The following RNGTT variants were observed in gnomAD, a reference collection of about 807,000 sequenced individuals.
The protein encoded by RNGTT is RNA guanylyltransferase and 5'-phosphatase, also known as mRNA-capping enzyme.
In RNGTT, 33 loss-of-function variants were observed where a neutral mutation model predicts 79.3. The observed-to-expected ratio is 0.42, with a 90% confidence interval of 0.32 to 0.56. The LOEUF (loss-of-function observed/expected upper bound fraction) is 0.56. Ranked by LOEUF, RNGTT falls within the 20% of genes least tolerant of loss-of-function variation. The pLI is 0.17. For missense variants in RNGTT, 497 were observed against 739.1 expected, an observed-to-expected ratio of 0.67 and a Z score of 3.80; for synonymous variants, 222 against 235.9, an observed-to-expected ratio of 0.94 and a Z score of 0.54.
intron 13 of RNGTT, among the ~76,000 whole-genome samples, chr6:88,714,795 C>T (rs905695062): frequency 3.9e-5 from 6 of 152,106 alleles, no homozygotes; most frequent in Non-Finnish European, 8.8e-5. Flanking sequence ...ACTCCAATTG[C>T]ATTTGTGAAA....
intron 14 of RNGTT, among the ~76,000 whole-genome samples, chr6:88,618,289 C>T (rs979911661): frequency 6.6e-6 from 1 of 152,160 alleles, no homozygotes; most frequent in Admixed American, 6.5e-5. Flanking sequence ...AGATGCACTA[C>T]AAGTTACTCA....
At chr6:88,648,532 T>C (rs1773667769) in intron 14 of RNGTT, among the ~76,000 whole-genome samples, 1 of 152,046 alleles carries the variant, frequency 6.6e-6, no homozygotes, top group African/African-American at 2.4e-5. Flanking sequence ...TCACATCCTA[T>C]TATCTCCCTA....
intron 13 of RNGTT, among the ~76,000 whole-genome samples, chr6:88,746,212 C>T (rs1200917324): frequency 6.6e-6 from 1 of 152,190 alleles, no homozygotes. Context: ...GATTTTCCAA[C>T]ATTTTCCAGC....
intron 13 of RNGTT, among the ~76,000 whole-genome samples, chr6:88,767,516 T>C (rs1353900180): frequency 1.3e-5 from 2 of 151,972 alleles, no homozygotes; most frequent in African/African-American, 4.8e-5. Flanking sequence ...CAAAAGTAAG[T>C]TGTTTTTAAA....
chr6:88,918,267 G>A (rs1397016211), intron 4 of RNGTT, among the ~76,000 whole-genome samples: 4 of 152,180 alleles, frequency 2.6e-5, no homozygotes, highest in Non-Finnish European at 5.9e-5. Context: ...AGGATGCAGT[G>A]AGCTATGATT....
chr6:88,765,825 C>G (rs778611074), intron 13 of RNGTT, among the ~76,000 whole-genome samples: 3 of 152,096 alleles, frequency 2.0e-5, no homozygotes, highest in Non-Finnish European at 2.9e-5. Flanking sequence ...TGAAAAGTTA[C>G]TGACTTTGCT....
At position 88,853,643 on chromosome 6, in the gene RNGTT, T is replaced by A; in HGVS notation, c.1018A>T (p.Thr340Ser). Residue 340 changes from threonine to serine, a missense_variant, in exon 9 of 16, where the codon ACT becomes TCT. Physicochemically the swap from Thr to Ser is moderately conservative, Grantham distance 58. Coordinates refer to ENST00000369485, the MANE Select transcript of RNGTT (RefSeq NM_003800.5). ...RKDLRMHLSN[T>S]LLDGEMIIDR... ...ATATGACTTACGCCATCCAAGAGAG[T>A]ATTTGATAAATGCATACGAAGATCT... The A allele has an allele frequency of 6.3e-7, 1 of 1,584,632 alleles. No individual in the cohort carries two copies. Among genetic ancestry groups the A allele is most frequent in the Non-Finnish European group, 8.6e-7 (1 of 1,161,966 alleles).
At chr6:88,941,550 G>A (rs1394078102) in intron 1 of RNGTT, among the ~76,000 whole-genome samples, 2 of 151,934 alleles carry the variant, frequency 1.3e-5, no homozygotes, top group Non-Finnish European at 2.9e-5. Context: ...TTACAGGCGT[G>A]AGCCACCGCA....
intron 13 of RNGTT, among the ~76,000 whole-genome samples, chr6:88,682,419 A>C (rs764345211): frequency 3.9e-4 from 59 of 152,316 alleles, no homozygotes; most frequent in African/African-American, 7.7e-4. Context: ...TAGAAAACAA[A>C]CAACCAAACA....
intron 11 of RNGTT, among the ~76,000 whole-genome samples, chr6:88,839,801 A>G (rs1054049267): frequency 6.6e-6 from 1 of 152,164 alleles, no homozygotes; most frequent in Non-Finnish European, 1.5e-5. Context: ...TTGGCCTTCA[A>G]ACTGGAAATG....
chr6:88,694,721 C>T (rs1419171978), intron 13 of RNGTT, among the ~76,000 whole-genome samples: 1 of 152,112 alleles, frequency 6.6e-6, no homozygotes, highest in African/African-American at 2.4e-5. Flanking sequence ...GTAATTAAAA[C>T]AGCATGGTAC....
At chr6:88,716,099 T>A (rs1395685026) in intron 13 of RNGTT, among the ~76,000 whole-genome samples, 1 of 151,426 alleles carries the variant, frequency 6.6e-6, no homozygotes, top group Non-Finnish European at 1.5e-5. Flanking sequence ...GAATCTACAA[T>A]GAACTCAAAC....
intron 6 of RNGTT, among the ~76,000 whole-genome samples, chr6:88,892,725 C>T (rs1351159253): frequency 6.6e-6 from 1 of 151,948 alleles, no homozygotes; most frequent in East Asian, 1.9e-4. Flanking sequence ...TAAGAAAAAT[C>T]TATAAAACAA....
chr6:88,719,896 G>T (rs1776650252), intron 13 of RNGTT, among the ~76,000 whole-genome samples: 1 of 152,100 alleles, frequency 6.6e-6, no homozygotes, highest in Non-Finnish European at 1.5e-5. Flanking sequence ...GAAACAAAAA[G>T]CCATTCGTGT....
chr6:88,755,139 C>T (rs1043096122), intron 13 of RNGTT, among the ~76,000 whole-genome samples: 20 of 152,048 alleles, frequency 1.3e-4, no homozygotes, highest in Non-Finnish European at 2.6e-4. Flanking sequence ...ATTCTATATC[C>T]AGGTAAGACA....
intron 1 of RNGTT, among the ~76,000 whole-genome samples, chr6:88,946,210 CTTT>C (rs1305658263): frequency 6.6e-6 from 1 of 152,096 alleles, no homozygotes; most frequent in Non-Finnish European, 1.5e-5. Context: ...ATAGTTCAAG[CTTT>C]TTTATTATTA....
intron 1 of RNGTT, among the ~76,000 whole-genome samples, chr6:88,955,630 A>G (rs1293275303): frequency 6.6e-6 from 1 of 152,028 alleles, no homozygotes; most frequent in Admixed American, 6.6e-5. Flanking sequence ...AAGGAACTAG[A>G]GAAACAAGAA....
chr6:88,900,855 T>A (rs1488345201), intron 6 of RNGTT, among the ~76,000 whole-genome samples: 5 of 146,202 alleles, frequency 3.4e-5, no homozygotes, highest in Admixed American at 6.8e-5. Flanking sequence ...AAAAAAAAAA[T>A]TTTAGGCCAG....
At chr6:88,640,614 A>C (rs1773278170) in intron 14 of RNGTT, among the ~76,000 whole-genome samples, 1 of 151,946 alleles carries the variant, frequency 6.6e-6, no homozygotes, top group Non-Finnish European at 1.5e-5. Context: ...GGTGATGTTG[A>C]AATTGTCAAT....
Sources: allele counts gnomAD v4.1 joint callset (sites outside exome capture counted in the v4.1 genomes callset), GRCh38; gene constraint gnomAD v4.1.1; transcripts MANE v1.5; gene names NCBI Gene and HGNC (gene_info 2026-07-23, HGNC 2026-07-21).